IL18: variants seen among roughly 807,000 people sequenced by gnomAD.
IL18 encodes interleukin 18, also known as interleukin-18.
IL18 carries 8 observed loss-of-function variants against 14.2 expected under a neutral mutation model. The observed-to-expected ratio is 0.56, with a 90% CI of 0.33 to 1.01. The LOEUF (loss-of-function observed/expected upper bound fraction) is 1.01. Among genes scored for constraint, IL18 ranks in the 50% least tolerant of loss-of-function variants. IL18 has a pLI of 0.03. For synonymous variants in IL18, 67 were observed against 71.0 expected (o/e 0.94, Z 0.28); for missense variants, 166 against 231.1 (o/e 0.72, Z 1.83).
At chr11:112,158,720 C>T (rs1008737181) in intron 1 of IL18, among the ~76,000 whole-genome samples, 1 of 152,018 alleles carries the variant, frequency 6.6e-6, no homozygotes, top group Non-Finnish European at 1.5e-5. Flanking sequence ...GAGACACTTG[C>T]ATGTGGCAAT....
At chr11:112,158,521 G>GTTTT (rs71060226) in intron 1 of IL18, among the ~76,000 whole-genome samples, 2 of 104,984 alleles carry the variant, frequency 1.9e-5, no homozygotes, top group Admixed American at 1.2e-4. Context: ...TTTATTTGGA[G>GTTTT]TTTTTTTTTT....
At chr11:112,158,828 C>CAT (rs549301179) in intron 1 of IL18, among the ~76,000 whole-genome samples, 7 of 151,888 alleles carry the variant, frequency 4.6e-5, no homozygotes, top group Non-Finnish European at 1.0e-4. Context: ...CCATTTTGCC[C>CAT]ATATAAACTA....
chr11:112,151,593 A>T (rs950213218), intron 3 of IL18, among the ~76,000 whole-genome samples: 1 of 152,216 alleles, frequency 6.6e-6, no homozygotes, highest in Non-Finnish European at 1.5e-5. Flanking sequence ...TCCTTTTAAC[A>T]GCCAAGCTTT....
chr11:112,148,687 C>T lies in IL18; in HGVS notation c.276G>A (p.Gln92=), dbSNP rs45497197. The change falls in exon 5 of 6, where the codon CAG becomes CAA. Residue 92 remains glutamine (Q), a synonymous_variant. Coordinates refer to ENST00000280357, the MANE Select transcript of IL18 (RefSeq NM_001562.4). The part of the protein sequence containing the change: ...IFIISMYKDS[Q]PRGMAVTISV... ...AGATAGTTACAGCCATACCTCTAGG[C>T]TGGCTATCTTTATACATACTTATAA... is the stretch of plus-strand genomic sequence containing the variant. 4.1e-3 allele frequency: 6,218 copies of T among 1,508,424 alleles called. 16 individuals carry two copies. Among genetic ancestry groups the T allele is most frequent in the Non-Finnish European group, 4.9e-3 (5,507 of 1,118,534 alleles). 93.4% of individuals were successfully genotyped at this position (1,508,424 alleles called of 1,614,324 possible).
intron 2 of IL18, among the ~76,000 whole-genome samples, chr11:112,153,955 T>C (rs1566742528): frequency 6.6e-6 from 1 of 152,092 alleles, no homozygotes; most frequent in Non-Finnish European, 1.5e-5. Flanking sequence ...TAATAATTTT[T>C]TATGAAGGTT....
At chr11:112,157,708 A>C (rs756351727) in intron 1 of IL18, among the ~76,000 whole-genome samples, 9 of 152,206 alleles carry the variant, frequency 5.9e-5, no homozygotes, top group Non-Finnish European at 1.2e-4. Flanking sequence ...AAGAAGAAGC[A>C]ATGTGAACAA....
At chr11:112,147,977 A>G (rs193099569) in intron 5 of IL18, among the ~76,000 whole-genome samples, 230 of 152,364 alleles carry the variant, frequency 1.5e-3, no homozygotes, top group Admixed American at 2.9e-3. Context: ...AATGGAGAAT[A>G]ATAGAGAAAA....
In IL18 at chr11:112,143,566, G is replaced by A. The variant is rs778352092; in HGVS notation, c.*30C>T. The A allele has an allele frequency of 1.4e-6, 2 of 1,476,754 alleles. No homozygotes were observed. Among genetic ancestry groups the A allele is most frequent in the South Asian group, 2.3e-5 (2 of 85,472 alleles). The allele number at this position is 1,476,754 out of a possible 1,614,324, so 91.5% of individuals were successfully genotyped here. ...CAAAGGGCTGGGATTACAGGCGTGA[G>A]CCACTGCGCCCGGCATGAAATTTTA... On this transcript the variant is annotated 3_prime_UTR_variant, in exon 6 of 6. Coordinates refer to ENST00000280357, the MANE Select transcript of IL18 (RefSeq NM_001562.4).
At chr11:112,155,718 A>AC (rs1461604882) in intron 1 of IL18, among the ~76,000 whole-genome samples, 1 of 152,196 alleles carries the variant, frequency 6.6e-6, no homozygotes, top group African/African-American at 2.4e-5. Context: ...ATTTGAAAAA[A>AC]ATTTAAATCC....
Sources: allele counts gnomAD v4.1 joint callset (sites outside exome capture counted in the v4.1 genomes callset), GRCh38; gene constraint gnomAD v4.1.1; transcripts MANE v1.5; gene names NCBI Gene and HGNC (gene_info 2026-07-23, HGNC 2026-07-21).